ZNF713: variants seen among roughly 807,000 people sequenced by gnomAD.
ZNF713 encodes zinc finger protein 713.
In ZNF713, 21 loss-of-function variants were observed where a neutral mutation model predicts 28.7. The ratio of observed to expected loss-of-function variants is 0.73; its 90% CI spans 0.52 to 1.05. ZNF713 has a LOEUF of 1.05. Among genes scored for constraint, ZNF713 ranks in the 50% least tolerant of loss-of-function variants. The probability of loss-of-function intolerance (pLI) is 0.00; values close to 1 mark genes in which losing one functional copy is unlikely to be tolerated. For missense variants in ZNF713, 458 were observed against 532.4 expected (o/e 0.86, Z 1.37); for synonymous variants, 167 against 178.0 (o/e 0.94, Z 0.49).
intron 5 of ZNF713, 55 bp downstream of exon 5, chr7:55,923,343 A>G: frequency 6.4e-7 from 1 of 1,562,674 alleles, no homozygotes; most frequent in African/African-American, 1.4e-5. Context: ...TTATTTCCTG[A>G]ACTAGTAGAA....
chr7:55,888,344 C>A (rs1237929902), intron 1 of ZNF713, among the ~76,000 whole-genome samples: 3 of 152,124 alleles, frequency 2.0e-5, no homozygotes. Context: ...ACTTTTATTA[C>A]ATTTTGCAGG....
Position 55,923,465 on chromosome 7 carries a change from T to C in ZNF713, c.215-142T>C, listed in dbSNP as rs951415874. On this transcript the variant is annotated intron_variant, in intron 5 of 6. Transcript: ENST00000429591. ...TTTCTCCTCCAATGGAATGTCTTGA[T>C]TGAGTTTGAGATGAGTGGCTTTATT... 42 of 1,075,980 alleles carry C rather than the reference T, an allele frequency of 3.9e-5. No homozygotes were observed. The Middle Eastern group carries it at 7.5e-4, about 19-fold the overall frequency. The allele number at this position is 1,075,980 out of a possible 1,614,324, so 66.7% of individuals were successfully genotyped here.
chr7:55,909,165 C>G (rs967556745), intron 2 of ZNF713, among the ~76,000 whole-genome samples: 2 of 144,828 alleles, frequency 1.4e-5, no homozygotes, highest in Admixed American at 1.4e-4. Flanking sequence ...CGCCACTGCA[C>G]TCCAGCCTGG....
chr7:55,900,487 T>A (rs925503765), intron 1 of ZNF713, among the ~76,000 whole-genome samples: 3 of 151,798 alleles, frequency 2.0e-5, no homozygotes, highest in Non-Finnish European at 4.4e-5. Context: ...AAATGTGGTA[T>A]ATATACACAA....
chr7:55,919,506 T>TTTGTTTTTGTTTTG (rs1562743561), intron 4 of ZNF713, among the ~76,000 whole-genome samples: 4 of 63,106 alleles, frequency 6.3e-5, no homozygotes, highest in Non-Finnish European at 8.5e-5. Flanking sequence ...TTTTTTTTTT[T>TTTGTTTTTGTTTTG]TTTTTTTTTT....
intron 4 of ZNF713, among the ~76,000 whole-genome samples, chr7:55,914,065 C>A (rs997582683): frequency 6.8e-6 from 1 of 148,036 alleles, no homozygotes; most frequent in Non-Finnish European, 1.5e-5. Flanking sequence ...AAGCCAAGAT[C>A]GTGCCACTGC....
intron 6 of ZNF713, 160 bp downstream of exon 6, chr7:55,923,859 G>A (rs1211629839): frequency 5.8e-6 from 3 of 520,974 alleles, no homozygotes; most frequent in Non-Finnish European, 1.0e-5. Context: ...ATTTGAAATG[G>A]CTGTCTTATT....
chr7:55,923,438 T>C (rs1786032048), intron 5 of ZNF713, 150 bp downstream of exon 5: 2 of 1,167,008 alleles, frequency 1.7e-6, no homozygotes, highest in Non-Finnish European at 1.2e-6. Flanking sequence ...TGTTTTCTGC[T>C]CTTTCTCCTC....
chr7:55,940,316 G>A lies in ZNF713; in HGVS notation c.*310G>A. 2.0e-6 allele frequency: 1 copy of A among 507,530 alleles called. No homozygotes were observed. Among genetic ancestry groups the A allele is most frequent in the Non-Finnish European group, 2.6e-6 (1 of 381,152 alleles). The allele number at this position is 507,530 out of a possible 1,614,324, so 31.4% of individuals were successfully genotyped here. A position where few individuals can be genotyped will look rare whatever the true frequency, so the allele number is the denominator to read the frequency against. ...TTTTTGTATTTTTAGTAGAGACGGG[G>A]TTTCACCATGTTGGCCAGGCTGGTC... On this transcript the variant is annotated 3_prime_UTR_variant, in exon 7 of 7. Coordinates refer to ENST00000429591, the MANE Select transcript of ZNF713 (RefSeq NM_182633.3).
rs112278524 is a variant in ZNF713 at position 55,923,510 on chromosome 7, C to G, written c.215-97C>G. 7 of 1,172,370 alleles carry G rather than the reference C, an allele frequency of 6.0e-6. No individual in the cohort carries two copies. In the African/African-American group the frequency reaches 6.1e-5, roughly 10 times the overall value. 72.6% of individuals were successfully genotyped at this position (1,172,370 alleles called of 1,614,324 possible). On this transcript the variant is annotated intron_variant, in intron 5 of 6. Transcript: ENST00000429591. The stretch of plus-strand genomic sequence containing the variant: ...TTTATTTTGCTGCCTCTGAAGTCTC[C>G]CCTCCAGAGGCTCTAAAGATTGAAA...
chr7:55,893,914 G>A (rs1241058030), intron 1 of ZNF713, among the ~76,000 whole-genome samples: 3 of 152,176 alleles, frequency 2.0e-5, no homozygotes, highest in East Asian at 1.9e-4. Flanking sequence ...CCTTGGGGAA[G>A]GGGTATTTTA....
intron 4 of ZNF713, among the ~76,000 whole-genome samples, chr7:55,917,367 A>G (rs1050485838): frequency 4.6e-5 from 7 of 152,116 alleles, no homozygotes; most frequent in Non-Finnish European, 8.8e-5. Context: ...TATATAAAAT[A>G]CTTCTCTAAA....
intron 4 of ZNF713, among the ~76,000 whole-genome samples, chr7:55,914,864 A>AT (rs1374788225): frequency 1.3e-5 from 2 of 151,462 alleles, no homozygotes; most frequent in African/African-American, 2.4e-5. Flanking sequence ...ATTTTATTTT[A>AT]TTTTTTTTGA....
chr7:55,907,024 G>T (rs1785691186), intron 2 of ZNF713, among the ~76,000 whole-genome samples: 2 of 152,078 alleles, frequency 1.3e-5, no homozygotes, highest in Non-Finnish European at 2.9e-5. Flanking sequence ...CTATATTTAG[G>T]TTATAACGTT....
At chr7:55,899,393 G>A (rs1270680350) in intron 1 of ZNF713, among the ~76,000 whole-genome samples, 4 of 120,554 alleles carry the variant, frequency 3.3e-5, no homozygotes, top group South Asian at 3.4e-4. Context: ...AGCCAGGCAC[G>A]GTGGTTTATG....
rs201793948 is a variant in ZNF713, at chr7:55,896,599, G to GTA, written c.-583+8920_-583+8921insAT. 3.9e-3 allele frequency among the ~76,000 whole-genome samples: 511 copies of GTA among 131,340 alleles called. 4 individuals are homozygous for GTA. Among genetic ancestry groups the GTA allele is most frequent in the African/African-American group, 0.013 (463 of 36,626 alleles). 86.2% of individuals were successfully genotyped at this position (131,340 alleles called of 152,430 possible). A position where few individuals can be genotyped will look rare whatever the true frequency, so the allele number is the denominator to read the frequency against. ...ATTTAATATATATGTGTGTGTGTGT[G>GTA]TGTATATATATATACACACACATAA... is the stretch of plus-strand genomic sequence containing the variant. On this transcript the variant is annotated intron_variant, in intron 1 of 6. Transcript: ENST00000429591.
intron 1 of ZNF713, among the ~76,000 whole-genome samples, chr7:55,899,356 CAA>C (rs71015114): frequency 2.9e-5 from 2 of 68,932 alleles, no homozygotes; most frequent in Admixed American, 4.9e-4. Context: ...GATTCCATCT[CAA>C]AAAAAAAAAA....
intron 1 of ZNF713, among the ~76,000 whole-genome samples, chr7:55,895,451 CTTTTTTTTTTTTTT>C (rs55972416): frequency 2.3e-3 from 190 of 82,398 alleles, no homozygotes; most frequent in Non-Finnish European, 4.6e-3. Flanking sequence ...CTGTTATACT[CTTTTTTTTTTTTTT>C]TTTTTTTTTT....
intron 4 of ZNF713, 81 bp from the exon 5 acceptor site, chr7:55,923,081 G>T: frequency 6.9e-7 from 1 of 1,456,648 alleles, no homozygotes; most frequent in Admixed American, 2.3e-5. Context: ...TAGATAACCT[G>T]GTGCTACACT....
Sources: allele counts gnomAD v4.1 joint callset (sites outside exome capture counted in the v4.1 genomes callset), GRCh38; gene constraint gnomAD v4.1.1; transcripts MANE v1.5; gene names NCBI Gene and HGNC (gene_info 2026-07-23, HGNC 2026-07-21).